The following FTO variants were observed in gnomAD, a reference collection of about 807,000 sequenced individuals.
FTO encodes the protein FTO alpha-ketoglutarate dependent dioxygenase, also known as alpha-ketoglutarate-dependent dioxygenase FTO.
In FTO, 47 loss-of-function variants were observed where a neutral mutation model predicts 63.9. The observed-to-expected ratio is 0.74, with a 90% CI of 0.58 to 0.94. The LOEUF (loss-of-function observed/expected upper bound fraction) is 0.94, where lower values mean the gene tolerates loss of function less well. Among genes scored for constraint, FTO ranks in the 40% least tolerant of loss-of-function variants. The probability of loss-of-function intolerance (pLI) is 0.00; values close to 1 mark genes in which losing one functional copy is unlikely to be tolerated. For synonymous variants in FTO, 207 were observed against 224.4 expected (o/e 0.92, Z 0.69); for missense variants, 562 against 618.1 (o/e 0.91, Z 0.96).
At chr16:53,882,086 GA>G (rs574963888) in intron 6 of FTO, among the ~76,000 whole-genome samples, 2,824 of 151,950 alleles carry the variant, frequency 0.019, 45 homozygotes, top group Non-Finnish European at 0.027. Context: ...ACCATTAAAA[GA>G]AAAAAAGGAG....
At chr16:53,744,971 C>CA (rs1386929119) in intron 1 of FTO, among the ~76,000 whole-genome samples, 8 of 152,158 alleles carry the variant, frequency 5.3e-5, no homozygotes, top group Non-Finnish European at 7.3e-5. Context: ...AATAAGATCA[C>CA]TGATATCCCT....
chr16:53,901,492 G>T (rs2081401994), intron 7 of FTO, among the ~76,000 whole-genome samples: 1 of 152,128 alleles, frequency 6.6e-6, no homozygotes, highest in Non-Finnish European at 1.5e-5. Context: ...TATTTGATTT[G>T]GTTCAAGAGA....
chr16:53,988,599 A>G (rs559077904), intron 8 of FTO, among the ~76,000 whole-genome samples: 2 of 152,216 alleles, frequency 1.3e-5, no homozygotes, highest in African/African-American at 4.8e-5. Context: ...GCCAAGTTGT[A>G]TTCTAAATGC....
intron 8 of FTO, among the ~76,000 whole-genome samples, chr16:53,979,194 A>G (rs1234360013): frequency 1.3e-5 from 2 of 152,222 alleles, no homozygotes; most frequent in African/African-American, 4.8e-5. Flanking sequence ...TTCACTTTTA[A>G]ATATTATGAC....
intron 8 of FTO, among the ~76,000 whole-genome samples, chr16:53,941,235 T>G (rs1439092256): frequency 2.0e-5 from 3 of 152,220 alleles, no homozygotes; most frequent in Non-Finnish European, 4.4e-5. Context: ...TGCTAGACAC[T>G]GTGGGGAATA....
chr16:53,884,961 G>A (rs900188017), intron 6 of FTO, among the ~76,000 whole-genome samples: 3 of 152,122 alleles, frequency 2.0e-5, no homozygotes, highest in Non-Finnish European at 4.4e-5. Flanking sequence ...TCCTCCTGAC[G>A]GCTTGCCTCT....
intron 8 of FTO, among the ~76,000 whole-genome samples, chr16:54,041,598 C>T (rs1017380087): frequency 6.6e-6 from 1 of 152,080 alleles, no homozygotes; most frequent in Non-Finnish European, 1.5e-5. Flanking sequence ...ACCGGAAGAC[C>T]CTGAGGACAG....
chr16:53,863,949 A>T (rs150964380), intron 4 of FTO, among the ~76,000 whole-genome samples: 1 of 152,168 alleles, frequency 6.6e-6, no homozygotes, highest in African/African-American at 2.4e-5. Context: ...TTTCTCTAAT[A>T]TATAGTGCCA....
intron 1 of FTO, among the ~76,000 whole-genome samples, chr16:53,801,412 G>A (rs371823731): frequency 2.6e-5 from 4 of 152,018 alleles, no homozygotes; most frequent in East Asian, 3.9e-4. Context: ...TTCTACATAT[G>A]TTATGAATCC....
At chr16:53,866,815 C>G (rs1314189490) in intron 4 of FTO, among the ~76,000 whole-genome samples, 1 of 151,974 alleles carries the variant, frequency 6.6e-6, no homozygotes, top group East Asian at 1.9e-4. Context: ...AAAGAACCAA[C>G]TTTTGCTTTC....
intron 8 of FTO, among the ~76,000 whole-genome samples, chr16:54,000,643 C>T (rs1490392219): frequency 1.3e-5 from 2 of 152,168 alleles, no homozygotes; most frequent in African/African-American, 2.4e-5. Context: ...CAAGCTGAGA[C>T]TATGTAAATT....
chr16:53,938,221 A>C (rs1222292535), intron 8 of FTO, among the ~76,000 whole-genome samples: 6 of 152,238 alleles, frequency 3.9e-5, no homozygotes, highest in Admixed American at 2.6e-4. Context: ...ACAACCTGGC[A>C]GTTTTTCTGT....
At chr16:53,754,030 T>G (rs1485526419) in intron 1 of FTO, among the ~76,000 whole-genome samples, 1 of 152,180 alleles carries the variant, frequency 6.6e-6, no homozygotes, top group African/African-American at 2.4e-5. Context: ...AGAACGGGGT[T>G]TGGAGGTGTT....
intron 5 of FTO, among the ~76,000 whole-genome samples, chr16:53,879,120 C>T (rs2080751773): frequency 6.6e-6 from 1 of 152,156 alleles, no homozygotes; most frequent in South Asian, 2.1e-4. Flanking sequence ...AAGTCAGTGT[C>T]CTTGACTTCT....
At chr16:53,923,517 T>C (rs1177673362) in intron 7 of FTO, among the ~76,000 whole-genome samples, 2 of 152,332 alleles carry the variant, frequency 1.3e-5, no homozygotes, top group East Asian at 1.9e-4. Flanking sequence ...CTCTGAAGCA[T>C]TGAAGTCAAC....
intron 3 of FTO, among the ~76,000 whole-genome samples, chr16:53,835,281 C>T (rs1226138523): frequency 6.6e-6 from 1 of 152,120 alleles, no homozygotes; most frequent in Non-Finnish European, 1.5e-5. Flanking sequence ...CAGCGGATTC[C>T]TTTACTTCTC....
rs550932456 is a variant in FTO, at chr16:53,825,925, A to G, written c.185A>G (p.His62Arg). The change falls in exon 3 of 9, where the codon CAT becomes CGT. Residue 62 changes from histidine (H) to arginine (R), a missense_variant. His to Arg is a conservative substitution (Grantham distance 29). Coordinates refer to ENST00000471389, the MANE Select transcript of FTO (RefSeq NM_001080432.3). ...REASSVSEEL[H>R]KEVQEAFLTL... ...GCCAGCAGTGTATCTGAGGAGCTCCATAAAGAGGTTCAAGAAGCCTTTCTC... is the reference window on the plus strand; with the variant it reads ...GCCAGCAGTGTATCTGAGGAGCTCCGTAAAGAGGTTCAAGAAGCCTTTCTC... 4.2e-5 allele frequency: 68 copies of G among 1,614,144 alleles called. No individual in the cohort carries two copies. The Admixed American group carries it at 9.0e-4, about 21-fold the overall frequency.
At chr16:53,887,183 T>C (rs1197597768) in intron 6 of FTO, among the ~76,000 whole-genome samples, 3 of 152,238 alleles carry the variant, frequency 2.0e-5, no homozygotes, top group African/African-American at 7.2e-5. Context: ...TCAGTTGATG[T>C]CATCAGGATG....
At chr16:53,889,877 A>G (rs563933395) in intron 7 of FTO, among the ~76,000 whole-genome samples, 2 of 152,342 alleles carry the variant, frequency 1.3e-5, no homozygotes, top group South Asian at 4.1e-4. Context: ...CTTATTAAGT[A>G]CCAGACATTA....
Sources: allele counts gnomAD v4.1 joint callset (sites outside exome capture counted in the v4.1 genomes callset), GRCh38; gene constraint gnomAD v4.1.1; transcripts MANE v1.5; gene names NCBI Gene and HGNC (gene_info 2026-07-23, HGNC 2026-07-21).